Variants in SACS observed in about 807,000 individuals in gnomAD.
SACS encodes sacsin.
In SACS, 197 loss-of-function variants were observed where a neutral mutation model predicts 348.0. The ratio of observed to expected loss-of-function variants is 0.57; its 90% CI spans 0.50 to 0.64. The LOEUF (loss-of-function observed/expected upper bound fraction) is 0.64. Ranked by LOEUF, SACS falls within the 30% of genes least tolerant of loss-of-function variation. SACS has a pLI of 0.00. For synonymous variants in SACS, 1,985 were observed against 1,910.6 expected (o/e 1.04, Z -1.02); for missense variants, 4,999 against 5,360.8 (o/e 0.93, Z 2.11).
At chr13:23,423,360 G>T (rs780862121) in intron 1 of SACS, among the ~76,000 whole-genome samples, 9 of 151,996 alleles carry the variant, frequency 5.9e-5, no homozygotes, top group Non-Finnish European at 1.2e-4. Flanking sequence ...ACATTTTTTA[G>T]AACCTAAGGA....
rs565203731 is a variant in SACS, at chr13:23,332,502, G to C, written c.11374C>G (p.Arg3792Gly). The change falls in exon 10 of 10, where the codon CGA (arginine) becomes GGA (glycine). Residue 3792 changes from arginine (R) to glycine (G), a missense_variant. Physicochemically the swap from Arg to Gly is moderately radical, Grantham distance 125 (BLOSUM62 -2). Coordinates refer to ENST00000382292, the MANE Select transcript of SACS (RefSeq NM_014363.6). The stretch of plus-strand genomic sequence containing the variant: ...TCTACCATCACAAAAGCAACCCCTC[G>C]CAACTGAAAACGAAATTCCCTTTTT... ...AEKREFRFQLRGVAFVMVEDG... is the reference protein window; with the variant it reads ...AEKREFRFQLGGVAFVMVEDG... The C allele has an allele frequency of 4.3e-6, 7 of 1,613,856 alleles. No homozygotes were observed. The African/African-American group carries it at 5.3e-5, about 12-fold the overall frequency.
intron 1 of SACS, among the ~76,000 whole-genome samples, chr13:23,432,635 A>G (rs1158597023): frequency 6.6e-6 from 1 of 152,226 alleles, no homozygotes; most frequent in Non-Finnish European, 1.5e-5. Context: ...TCTACTTGTC[A>G]TGTGACAAAT....
At chr13:23,421,642 C>T (rs1038903994) in intron 1 of SACS, among the ~76,000 whole-genome samples, 2 of 152,084 alleles carry the variant, frequency 1.3e-5, no homozygotes, top group African/African-American at 4.8e-5. Flanking sequence ...GCCTGATATA[C>T]ATCTTAAGTC....
chr13:23,397,494 T>C (rs1180346116), intron 2 of SACS, among the ~76,000 whole-genome samples: 1 of 152,232 alleles, frequency 6.6e-6, no homozygotes, highest in Non-Finnish European at 1.5e-5. Context: ...GACAAAGTTT[T>C]CTTGGATTAT....
intron 2 of SACS, among the ~76,000 whole-genome samples, chr13:23,403,177 TAAA>T (rs879882036): frequency 7.2e-6 from 1 of 139,258 alleles, no homozygotes. Context: ...GACTCCACCT[TAAA>T]AAAAAAAAAA....
intron 9 of SACS, among the ~76,000 whole-genome samples, chr13:23,348,340 T>G (rs1593139486): frequency 6.6e-6 from 1 of 151,690 alleles, no homozygotes; most frequent in Admixed American, 6.6e-5. Context: ...AAGACACTGA[T>G]TTGAAGAGAA....
chr13:23,423,406 T>C (rs973656583), intron 1 of SACS, among the ~76,000 whole-genome samples: 3 of 152,050 alleles, frequency 2.0e-5, no homozygotes, highest in African/African-American at 4.8e-5. Context: ...TATGTATGAA[T>C]ATACAACTAT....
At chr13:23,343,637 T>C (rs1869415708) in intron 9 of SACS, among the ~76,000 whole-genome samples, 1 of 152,166 alleles carries the variant, frequency 6.6e-6, no homozygotes, top group African/African-American at 2.4e-5. Flanking sequence ...TGAGCCGAGA[T>C]TGCGCCACTG....
chr13:23,405,762 T>A (rs988373519), intron 2 of SACS, among the ~76,000 whole-genome samples: 3 of 151,334 alleles, frequency 2.0e-5, no homozygotes, highest in Non-Finnish European at 4.4e-5. Flanking sequence ...AAAGAAGATA[T>A]TTATGTGGCC....
chr13:23,433,167 G>C (rs970880569), intron 1 of SACS, among the ~76,000 whole-genome samples: 1 of 152,114 alleles, frequency 6.6e-6, no homozygotes, highest in Non-Finnish European at 1.5e-5. Context: ...GCTACTTTGA[G>C]AATCCCATCT....
chr13:23,408,185 AAG>A (rs1873317109), intron 2 of SACS, among the ~76,000 whole-genome samples: 1 of 150,990 alleles, frequency 6.6e-6, no homozygotes, highest in African/African-American at 2.4e-5. Context: ...CCCCCAACAT[AAG>A]AGAGGATTCC....
intron 1 of SACS, among the ~76,000 whole-genome samples, chr13:23,429,598 C>T (rs571974167): frequency 2.0e-5 from 3 of 151,656 alleles, no homozygotes; most frequent in African/African-American, 4.8e-5. Context: ...CTCCTGACCT[C>T]GTGATCTGCC....
intron 9 of SACS, among the ~76,000 whole-genome samples, chr13:23,351,408 T>C (rs750236198): frequency 2.0e-5 from 3 of 152,096 alleles, no homozygotes; most frequent in Non-Finnish European, 4.4e-5. Flanking sequence ...TGGGAGATAA[T>C]TGAATCATAG....
chr13:23,330,187 A>G lies in SACS; in HGVS notation c.13689T>C (p.Cys4563=). The G allele has an allele frequency of 6.2e-7, 1 of 1,614,124 alleles. No homozygotes were observed. Among genetic ancestry groups the G allele is most frequent in the Non-Finnish European group, 8.5e-7 (1 of 1,179,960 alleles). ...CAAGTTTTATTATGATACAGGCAGT[A>G]CATTCCATCACCCTCATAGCAACCT... is the stretch of plus-strand genomic sequence containing the variant. ...TSEVAMRVME[C]TACIIIKLEN... is the part of the protein sequence containing the mutation. The change falls in exon 10 of 10, where the codon TGT becomes TGC. Residue 4563 remains cysteine, a synonymous_variant. Coordinates refer to ENST00000382292, the MANE Select transcript of SACS (RefSeq NM_014363.6).
chr13:23,353,539 T>C (rs1870109290), intron 9 of SACS, among the ~76,000 whole-genome samples: 2 of 152,218 alleles, frequency 1.3e-5, no homozygotes, highest in East Asian at 3.8e-4. Flanking sequence ...CATGCAGGTA[T>C]AAGATGTTGA....
Position 23,340,144 on chromosome 13 carries a change from G to A in SACS, c.3732C>T (p.Asp1244=), listed in dbSNP as rs1369858587. 5 of 1,613,458 alleles carry A rather than the reference G, an allele frequency of 3.1e-6. No individual in the cohort carries two copies. Among genetic ancestry groups the A allele is most frequent in the Non-Finnish European group, 4.2e-6 (5 of 1,179,592 alleles). ...GCAAAATATGCTGGAATTGATAGTAGTCTTCATCACTAAAGGTTTTTGAAG... is the reference window on the plus strand; with the variant it reads ...GCAAAATATGCTGGAATTGATAGTAATCTTCATCACTAAAGGTTTTTGAAG... ...WYSSKTFSDE[D]YYQFQHILLE... The change falls in exon 10 of 10, where the codon GAC becomes GAT. Residue 1244 remains aspartate (D), a synonymous_variant. Transcript: ENST00000382292.
chr13:23,334,626 T>A lies in SACS; in HGVS notation c.9250A>T (p.Ile3084Leu). The change falls in exon 10 of 10, where the codon ATA becomes TTA. Residue 3084 changes from isoleucine (I) to leucine (L), a missense_variant. Ile to Leu is a conservative substitution (Grantham distance 5). Coordinates refer to ENST00000382292, the MANE Select transcript of SACS (RefSeq NM_014363.6). ...TAACTAACAGGAATATCTGCATCTA[T>A]AAGACAGTGGTAAAGATTAGCAGTT... ...DETANLYHCL[I>L]DADIPVSYVT... 1 of 1,613,550 alleles carries A rather than the reference T, an allele frequency of 6.2e-7. No homozygotes were observed. Among genetic ancestry groups the A allele is most frequent in the East Asian group, 2.2e-5 (1 of 44,874 alleles).
At chr13:23,402,226 G>A (rs890714042) in intron 2 of SACS, among the ~76,000 whole-genome samples, 1 of 151,844 alleles carries the variant, frequency 6.6e-6, no homozygotes, top group African/African-American at 2.4e-5. Flanking sequence ...AGAAGCTATG[G>A]ATTCATAAAA....
At chr13:23,361,446 C>T (rs1269269176) in intron 6 of SACS, among the ~76,000 whole-genome samples, 5 of 152,014 alleles carry the variant, frequency 3.3e-5, no homozygotes, top group African/African-American at 1.2e-4. Flanking sequence ...CTGATCAAAA[C>T]GATGTGTTCT....
Sources: gnomAD v4.1 joint callset for allele counts (sites outside exome capture counted in the v4.1 genomes callset) on GRCh38, gnomAD v4.1.1 for gene constraint, MANE v1.5 for transcripts, NCBI Gene and HGNC (gene_info 2026-07-23, HGNC 2026-07-21) for gene names.